The following IRAG1 variants were observed in gnomAD, a reference collection of about 807,000 sequenced individuals.
IRAG1 encodes the protein inositol 1,4,5-triphosphate receptor associated 1.
IRAG1 carries 62 observed loss-of-function variants against 106.2 expected under a neutral mutation model. The ratio of observed to expected loss-of-function variants is 0.58; its 90% CI spans 0.48 to 0.72. IRAG1 has a LOEUF of 0.72. Ranked by LOEUF, IRAG1 falls within the 30% of genes least tolerant of loss-of-function variation. IRAG1 has a pLI of 0.00. For synonymous variants in IRAG1, 462 were observed against 443.9 expected (o/e 1.04, Z -0.51); for missense variants, 1,064 against 1,140.7 (o/e 0.93, Z 0.97).
chr11:10,680,317 GGA>G (rs1861057251), intron 1 of IRAG1, among the ~76,000 whole-genome samples: 2 of 116,050 alleles, frequency 1.7e-5, no homozygotes, highest in African/African-American at 6.7e-5. Flanking sequence ...AGGGAGGGAG[GGA>G]GGGGGGAAGG....
chr11:10,663,180 AAAAAT>A lies in IRAG1; in HGVS notation c.68-11003_68-10999del, dbSNP rs1859527849. On this transcript the variant is annotated intron_variant, in intron 1 of 20. Transcript: ENST00000423302. ...ATTCTTTAGAAACTTTGTTCCAAAT[AAAAAT>A]AAAGCTTCCTTGACTTGGCAACACC... is the stretch of plus-strand genomic sequence containing the variant. 4.6e-5 allele frequency among the ~76,000 whole-genome samples: 7 copies of A among 152,284 alleles called. No individual in the cohort carries two copies. In the South Asian group the frequency reaches 1.5e-3, roughly 32 times the overall value.
At chr11:10,654,061 G>T in intron 1 of IRAG1, among the ~76,000 whole-genome samples, 1 of 152,326 alleles carries the variant, frequency 6.6e-6, no homozygotes, top group East Asian at 1.9e-4. Flanking sequence ...TGTGTTCCAG[G>T]TCCTCTGGAA....
intron 2 of IRAG1, among the ~76,000 whole-genome samples, chr11:10,640,086 A>T (rs74922589): frequency 1.1e-4 from 16 of 152,316 alleles, no homozygotes; most frequent in African/African-American, 3.8e-4. Flanking sequence ...GCTATTACTA[A>T]TAGTGCCCTC....
intron 1 of IRAG1, among the ~76,000 whole-genome samples, chr11:10,655,790 A>C (rs564109811): frequency 6.6e-6 from 1 of 152,310 alleles, no homozygotes; most frequent in Non-Finnish European, 1.5e-5. Flanking sequence ...CCTCTCTTCC[A>C]AAAAGAGCTT....
Position 10,573,194 on chromosome 11 carries a change from C to T in IRAG1, c.*3138G>A, listed in dbSNP as rs1055522978. On this transcript the variant is annotated 3_prime_UTR_variant, in exon 21 of 21. Coordinates refer to ENST00000423302, the MANE Select transcript of IRAG1 (RefSeq NM_130385.4). ...GCTTAACAACATGAGGAACTGATAGCCAGTGATACACAAATCCAGCACTTC... is the reference window on the plus strand; with the variant it reads ...GCTTAACAACATGAGGAACTGATAGTCAGTGATACACAAATCCAGCACTTC... 11 of 152,236 alleles carry T rather than the reference C, an allele frequency of 7.2e-5. No homozygotes were observed. The highest frequency in any genetic ancestry group is 2.0e-4 in the Admixed American group (3 of 15,288). The allele number at this position is 152,236 out of a possible 1,614,324, so 9.4% of individuals were successfully genotyped here. A position where few individuals can be genotyped will look rare whatever the true frequency, so the allele number is the denominator to read the frequency against.
At chr11:10,625,375 A>G (rs1455282825) in intron 9 of IRAG1, among the ~76,000 whole-genome samples, 1 of 152,150 alleles carries the variant, frequency 6.6e-6, no homozygotes, top group Non-Finnish European at 1.5e-5. Flanking sequence ...TACCCTGCAT[A>G]GGGTGGCAAC....
intron 1 of IRAG1, among the ~76,000 whole-genome samples, chr11:10,672,199 C>T (rs1393415732): frequency 1.3e-5 from 2 of 152,176 alleles, no homozygotes; most frequent in Non-Finnish European, 2.9e-5. Context: ...AAAATTAACT[C>T]AAAACATCTA....
rs1859633225 is a variant in IRAG1 at position 10,664,379 on chromosome 11, A to C, written c.68-12197T>G. ...AACCTTGGGCTGGGCTGCTGGGCAAAGTCTGGTGTAAAGCATGCTACAGAA... is the reference window on the plus strand; with the variant it reads ...AACCTTGGGCTGGGCTGCTGGGCAACGTCTGGTGTAAAGCATGCTACAGAA... On this transcript the variant is annotated intron_variant, in intron 1 of 20. Coordinates refer to ENST00000423302, the MANE Select transcript of IRAG1 (RefSeq NM_130385.4). Among the ~76,000 whole-genome samples, 3 of 152,188 alleles carry C rather than the reference A, an allele frequency of 2.0e-5. 1 individual carries two copies. In the South Asian group the frequency reaches 6.2e-4, roughly 31 times the overall value.
intron 10 of IRAG1, among the ~76,000 whole-genome samples, chr11:10,610,753 T>C (rs1037256669): frequency 6.6e-6 from 1 of 152,232 alleles, no homozygotes; most frequent in African/African-American, 2.4e-5. Context: ...TCATGCAGCA[T>C]AGATTTTGTG....
intron 2 of IRAG1, among the ~76,000 whole-genome samples, chr11:10,650,951 G>T (rs914210194): frequency 1.7e-4 from 26 of 152,310 alleles, no homozygotes; most frequent in African/African-American, 6.3e-4. Context: ...GAAAACAAAT[G>T]CCATCATAAC....
chr11:10,671,752 A>G (rs1013779093), intron 1 of IRAG1, among the ~76,000 whole-genome samples: 2 of 151,678 alleles, frequency 1.3e-5, no homozygotes, highest in African/African-American at 4.8e-5. Context: ...AACAACAACA[A>G]AAACCAGAAA....
intron 2 of IRAG1, among the ~76,000 whole-genome samples, chr11:10,637,799 A>G (rs1857247631): frequency 6.6e-6 from 1 of 152,122 alleles, no homozygotes; most frequent in Non-Finnish European, 1.5e-5. Context: ...GCAGTGGAAC[A>G]GTATTCACAA....
At chr11:10,583,805 TGAA>T (rs1851642584) in intron 18 of IRAG1, among the ~76,000 whole-genome samples, 1 of 152,090 alleles carries the variant, frequency 6.6e-6, no homozygotes. Context: ...AAGATGATGA[TGAA>T]GTTGTTGGGC....
chr11:10,633,753 A>C (rs1011691646), intron 3 of IRAG1, among the ~76,000 whole-genome samples: 1 of 152,242 alleles, frequency 6.6e-6, no homozygotes, highest in Non-Finnish European at 1.5e-5. Context: ...TCGCAGAGCC[A>C]AAAGGACCAC....
At chr11:10,585,372 A>G (rs113034652) in intron 18 of IRAG1, among the ~76,000 whole-genome samples, 13 of 152,118 alleles carry the variant, frequency 8.5e-5, no homozygotes, top group African/African-American at 2.9e-4. Context: ...ACTTATATGT[A>G]TCAGGCTGTG....
intron 1 of IRAG1, among the ~76,000 whole-genome samples, chr11:10,683,410 C>A (rs10840469): frequency 0.49 from 73,734 of 149,792 alleles, 18,640 homozygotes; most frequent in East Asian, 0.82. Flanking sequence ...ATAAAGCTAA[C>A]AGTAATTCTC....
At chr11:10,668,650 A>T (rs1365056718) in intron 1 of IRAG1, among the ~76,000 whole-genome samples, 1 of 152,208 alleles carries the variant, frequency 6.6e-6, no homozygotes, top group Admixed American at 6.5e-5. Context: ...CCCTGCTCTA[A>T]CATAATTGCA....
intron 14 of IRAG1, among the ~76,000 whole-genome samples, chr11:10,602,564 G>C (rs1184314632): frequency 2.0e-5 from 3 of 152,188 alleles, no homozygotes; most frequent in African/African-American, 7.2e-5. Flanking sequence ...GCCAGACCTG[G>C]GCCTGTGCCC....
chr11:10,671,143 A>G (rs1176295041), intron 1 of IRAG1, among the ~76,000 whole-genome samples: 1 of 152,250 alleles, frequency 6.6e-6, no homozygotes, highest in African/African-American at 2.4e-5. Flanking sequence ...TTCTAATGAA[A>G]TAAAAATTCT....
Sources: allele counts gnomAD v4.1 joint callset (sites outside exome capture counted in the v4.1 genomes callset), GRCh38; gene constraint gnomAD v4.1.1; transcripts MANE v1.5; gene names NCBI Gene and HGNC (gene_info 2026-07-23, HGNC 2026-07-21).